The following DDX55 variants were observed in gnomAD, a reference collection of about 807,000 sequenced individuals.
DDX55 encodes the protein DEAD-box helicase 55, also known as ATP-dependent RNA helicase DDX55.
DDX55 carries 56 observed loss-of-function variants against 69.2 expected under a neutral mutation model. The observed-to-expected ratio is 0.81, with a 90% confidence interval of 0.65 to 1.01. The LOEUF is 1.01. Ranked by LOEUF, DDX55 falls within the 50% of genes least tolerant of loss-of-function variation. The probability of loss-of-function intolerance (pLI) is 0.00; values close to 1 mark genes in which losing one functional copy is unlikely to be tolerated. For synonymous variants in DDX55, 268 were observed against 273.1 expected (o/e 0.98, Z 0.18); for missense variants, 720 against 745.1 (o/e 0.97, Z 0.39).
rs1471513114 is a variant in DDX55 at position 123,615,250 on chromosome 12, T to C, written c.890T>C (p.Met297Thr). ...LEVLVKGVKI[M>T]CIHGKMKYKR... ...GTGCTGGTGAAGGGCGTGAAGATTA[T>C]GTGCATTCACGGAAAGATGAAATAT... Residue 297 changes from methionine (M) to threonine (T), a missense_variant, in exon 9 of 14, where the codon ATG becomes ACG. Physicochemically the swap from Met to Thr is moderately conservative, Grantham distance 81. Coordinates refer to ENST00000238146, the MANE Select transcript of DDX55 (RefSeq NM_020936.3). 1.9e-6 allele frequency: 3 copies of C among 1,614,184 alleles called. No homozygotes were observed. The highest frequency in any genetic ancestry group is 2.5e-6 in the Non-Finnish European group (3 of 1,180,020).
At chr12:123,612,679 T>TAA (rs35122557) in intron 7 of DDX55, among the ~76,000 whole-genome samples, 38 of 147,484 alleles carry the variant, frequency 2.6e-4, no homozygotes, top group African/African-American at 8.2e-4. Context: ...AATCTGCATT[T>TAA]AAAAAAAAAA....
Position 123,602,111 on chromosome 12 carries a change from T to G in DDX55, c.-38T>G. ...GCTCGTTGGGGGTGCACAAGGCGCGTTCGAGCAGCGGCGACCGACGCGGCG... is the reference window on the plus strand; with the variant it reads ...GCTCGTTGGGGGTGCACAAGGCGCGGTCGAGCAGCGGCGACCGACGCGGCG... On this transcript the variant is annotated 5_prime_UTR_variant, in exon 1 of 14. Transcript: ENST00000238146. The G allele has an allele frequency of 6.6e-7, 1 of 1,520,282 alleles. No individual in the cohort carries two copies. Among genetic ancestry groups the G allele is most frequent in the Middle Eastern group, 2.2e-4 (1 of 4,550 alleles). 94.2% of individuals were successfully genotyped at this position (1,520,282 alleles called of 1,614,324 possible).
chr12:123,602,245 A>T lies in DDX55; in HGVS notation c.97A>T (p.Thr33Ser). 6.4e-7 allele frequency: 1 copy of T among 1,564,226 alleles called. No homozygotes were observed. Residue 33 changes from threonine (T) to serine (S), a missense_variant, in exon 1 of 14, where the codon ACG (threonine) becomes TCG (serine). Physicochemically the swap from Thr to Ser is moderately conservative, Grantham distance 58. Transcript: ENST00000238146. ...ALRELGFPYMTPVQSATIPLF... is the reference protein window; with the variant it reads ...ALRELGFPYMSPVQSATIPLF... The stretch of plus-strand genomic sequence containing the variant: ...GCGGGAGCTGGGCTTCCCGTACATG[A>T]CGCCGGTGCAGGTATCGGTTCCCTG...
At chr12:123,618,254 C>T (rs113971302) in intron 11 of DDX55, 118,205 of 434,630 alleles carry the variant, frequency 0.27, 17,769 homozygotes, top group African/African-American at 0.41. Context: ...TCAGGTGATC[C>T]GCCCACCTCG....
At chr12:123,603,392 CTTTTT>C (rs11438746) in intron 1 of DDX55, among the ~76,000 whole-genome samples, 1 of 128,568 alleles carries the variant, frequency 7.8e-6, no homozygotes, top group South Asian at 2.5e-4. Flanking sequence ...GGTTTTTATT[CTTTTT>C]TTTTTTTTTT....
chr12:123,620,580 TTATATATATATATATATATA>T lies in DDX55; in HGVS notation c.*469_*488del, dbSNP rs68169681. 424 of 65,356 alleles carry T rather than the reference TTATATATATATATATATATA, an allele frequency of 6.5e-3. 13 individuals are homozygous for T. Among genetic ancestry groups the T allele is most frequent in the African/African-American group, 0.022 (336 of 15,562 alleles). 4.0% of individuals were successfully genotyped at this position (65,356 alleles called of 1,614,324 possible). On this transcript the variant is annotated 3_prime_UTR_variant, in exon 14 of 14. Coordinates refer to ENST00000238146, the MANE Select transcript of DDX55 (RefSeq NM_020936.3). ...GGTCACATATAGACATATGTACATATTATATATATATATATATATATATATATATATATATATATATATAT... is the reference window on the plus strand; with the variant it reads ...GGTCACATATAGACATATGTACATATTATATATATATATATATATATATAT...
chr12:123,603,873 G>A (rs1389770971), intron 1 of DDX55, among the ~76,000 whole-genome samples: 2 of 152,088 alleles, frequency 1.3e-5, no homozygotes, highest in Non-Finnish European at 2.9e-5. Context: ...CACGATCTCG[G>A]CTCACTGCAA....
Position 123,606,146 on chromosome 12 carries a change from T to C in DDX55, c.233T>C (p.Leu78Ser), listed in dbSNP as rs1566181126. 6.2e-7 allele frequency: 1 copy of C among 1,614,028 alleles called. No homozygotes were observed. Among genetic ancestry groups the C allele is most frequent in the Non-Finnish European group, 8.5e-7 (1 of 1,179,988 alleles). ...ATTCTTCTGAGAAGAGAAGAGAAGT[T>C]AAAAAAGAGTCAGGTGAGGACAACA... ...LEILLRREEKLKKSQVGAIII... is the reference protein window; with the variant it reads ...LEILLRREEKSKKSQVGAIII... The change falls in exon 3 of 14, where the codon TTA (leucine) becomes TCA (serine). Residue 78 changes from leucine (L) to serine (S), a missense_variant. Leu to Ser is a moderately radical substitution (Grantham distance 145, BLOSUM62 -2). Coordinates refer to ENST00000238146, the MANE Select transcript of DDX55 (RefSeq NM_020936.3).
intron 11 of DDX55, 118 bp downstream of exon 11, chr12:123,617,990 G>A (rs1204895696): frequency 2.1e-6 from 2 of 946,874 alleles, no homozygotes; most frequent in African/African-American, 1.7e-5. Flanking sequence ...CTGGGCTGGT[G>A]GTGGCAGTGG....
At chr12:123,617,661 C>G in intron 10 of DDX55, 97 bp from the exon 11 acceptor site, 1 of 1,116,216 alleles carries the variant, frequency 9.0e-7, no homozygotes, top group African/African-American at 1.6e-5. Flanking sequence ...CTAGAGGCTC[C>G]CCAGAGCGTT....
At chr12:123,613,140 T>A in intron 7 of DDX55, 30 bp from the exon 8 acceptor site, 1 of 1,610,228 alleles carries the variant, frequency 6.2e-7, no homozygotes, top group Non-Finnish European at 8.5e-7. Flanking sequence ...CCAAATATGT[T>A]TTTTATTAGT....
chr12:123,608,507 C>A, intron 5 of DDX55, 173 bp from the exon 6 acceptor site: 3 of 738,770 alleles, frequency 4.1e-6, no homozygotes, highest in Non-Finnish European at 6.4e-6. Context: ...GATCCCGTCT[C>A]ACCACAGCCC....
chr12:123,607,538 G>A lies in DDX55; in HGVS notation c.338+15G>A, dbSNP rs757879112. Reference sequence around the variant, plus strand: ...CCCGAGTTCAGGTGAATTGGATGCAGTGTCCCTGTTAGTCATGGGCTGTTT... The same window carrying A: ...CCCGAGTTCAGGTGAATTGGATGCAATGTCCCTGTTAGTCATGGGCTGTTT... On this transcript the variant is annotated intron_variant, in intron 4 of 13. Coordinates refer to ENST00000238146, the MANE Select transcript of DDX55 (RefSeq NM_020936.3). 3.1e-6 allele frequency: 5 copies of A among 1,614,216 alleles called. No individual in the cohort carries two copies. Among genetic ancestry groups the A allele is most frequent in the Non-Finnish European group, 4.2e-6 (5 of 1,180,040 alleles).
At chr12:123,617,086 G>C (rs1276028185) in intron 10 of DDX55, among the ~76,000 whole-genome samples, 2 of 152,232 alleles carry the variant, frequency 1.3e-5, no homozygotes, top group Admixed American at 6.5e-5. Context: ...GGAGGCAGAG[G>C]TGGCAATGGA....
intron 1 of DDX55, chr12:123,605,726 C>T: frequency 1.4e-6 from 1 of 701,122 alleles, no homozygotes; most frequent in Non-Finnish European, 2.6e-6. Context: ...CACCTCCCAG[C>T]TCAGCTCACT....
chr12:123,606,231 C>G (rs1953883618), intron 3 of DDX55, 72 bp downstream of exon 3: 11 of 1,559,190 alleles, frequency 7.1e-6, no homozygotes, highest in African/African-American at 1.4e-5. Flanking sequence ...AAGCTGGCTA[C>G]AAATGTGAAA....
intron 5 of DDX55, 99 bp downstream of exon 5, chr12:123,607,761 C>G (rs902557333): frequency 2.0e-6 from 3 of 1,529,824 alleles, no homozygotes; most frequent in Non-Finnish European, 2.7e-6. Flanking sequence ...CCCCTTTCAG[C>G]AGCCTCCTCC....
chr12:123,615,281 C>G lies in DDX55; in HGVS notation c.921C>G (p.Arg307=). 6.2e-7 allele frequency: 1 copy of G among 1,614,080 alleles called. No individual in the cohort carries two copies. The highest frequency in any genetic ancestry group is 1.6e-4 in the Middle Eastern group (1 of 6,062). ...TTCACGGAAAGATGAAATATAAACG[C>G]AATAAGATCTTCATGGAGTTCCGCA... ...MCIHGKMKYK[R]NKIFMEFRKL... is the part of the protein sequence containing the mutation. The change falls in exon 9 of 14, where the codon CGC becomes CGG. Residue 307 remains arginine, a synonymous_variant. Transcript: ENST00000238146.
intron 3 of DDX55, among the ~76,000 whole-genome samples, chr12:123,607,003 A>G (rs1953932887): frequency 6.6e-6 from 1 of 152,232 alleles, no homozygotes. Context: ...GTGCTAGAGA[A>G]GCACAAGCTA....
Sources: allele counts gnomAD v4.1 joint callset (sites outside exome capture counted in the v4.1 genomes callset), GRCh38; gene constraint gnomAD v4.1.1; transcripts MANE v1.5; gene names NCBI Gene and HGNC (gene_info 2026-07-23, HGNC 2026-07-21).